CNTN4: variants seen among roughly 807,000 people sequenced by gnomAD.
CNTN4 encodes the protein contactin-4.
CNTN4 carries 77 observed loss-of-function variants against 122.5 expected under a neutral mutation model. That is an observed-to-expected ratio of 0.63 (90% CI 0.52 to 0.76). The LOEUF (loss-of-function observed/expected upper bound fraction) is 0.76, where lower values mean the gene tolerates loss of function less well. Among genes scored for constraint, CNTN4 ranks in the 30% least tolerant of loss-of-function variants. The pLI is 0.00. For synonymous variants in CNTN4, 512 were observed against 447.0 expected, an observed-to-expected ratio of 1.15 and a Z score of -1.83; for missense variants, 1,256 against 1,259.1, an observed-to-expected ratio of 1.00 and a Z score of 0.04.
At chr3:2,156,768 C>T (rs781227712) in intron 2 of CNTN4, among the ~76,000 whole-genome samples, 3 of 152,114 alleles carry the variant, frequency 2.0e-5, no homozygotes, top group Non-Finnish European at 4.4e-5. Flanking sequence ...TTTGGTAGTT[C>T]TGCAGTTGAA....
At chr3:2,791,693 G>A (rs141508864) in intron 6 of CNTN4, among the ~76,000 whole-genome samples, 2 of 152,290 alleles carry the variant, frequency 1.3e-5, no homozygotes, top group East Asian at 1.9e-4. Context: ...CAAAAGAAAT[G>A]TGTTCTTTTA....
rs182227447 is a variant in CNTN4 at position 2,820,328 on chromosome 3, C to T, written c.454+747C>T. Among the ~76,000 whole-genome samples, 26 of 152,230 alleles carry T rather than the reference C, an allele frequency of 1.7e-4. No homozygotes were observed. In the East Asian group the frequency reaches 3.3e-3, roughly 19 times the overall value. On this transcript the variant is annotated intron_variant, in intron 7 of 24. Coordinates refer to ENST00000418658, the MANE Select transcript of CNTN4 (RefSeq NM_175607.3). ...ATTATAAAAGATATTATAAAGGATA[C>T]GTATGAACAGCCCGATAAACATATA...
At chr3:2,834,017 G>A (rs1370622399) in intron 7 of CNTN4, among the ~76,000 whole-genome samples, 1 of 152,008 alleles carries the variant, frequency 6.6e-6, no homozygotes. Context: ...ATGGTGGCGG[G>A]CACCTGTAGT....
At chr3:2,127,362 A>G (rs556600060) in intron 2 of CNTN4, among the ~76,000 whole-genome samples, 24 of 152,094 alleles carry the variant, frequency 1.6e-4, no homozygotes, top group Non-Finnish European at 2.8e-4. Flanking sequence ...CTTTTATTCA[A>G]TTTTTTAATA....
intron 4 of CNTN4, among the ~76,000 whole-genome samples, chr3:2,687,586 G>T (rs868736549): frequency 1.1e-4 from 17 of 152,126 alleles, no homozygotes; most frequent in African/African-American, 2.9e-4. Context: ...AGAGGTGGAG[G>T]TTGCAATGAG....
intron 3 of CNTN4, among the ~76,000 whole-genome samples, chr3:2,454,985 A>G (rs2048944945): frequency 6.6e-6 from 1 of 152,162 alleles, no homozygotes; most frequent in Non-Finnish European, 1.5e-5. Context: ...ATAAATAACT[A>G]AAAGGAGCAG....
Position 2,423,925 on chromosome 3 carries a change from G to A in CNTN4, c.-89+84692G>A, listed in dbSNP as rs569192820. ...AGGAAAAGGAATATCACACACCAGG[G>A]CCTGCTGTGGGGTGGAGGGAGGGGG... On this transcript the variant is annotated intron_variant, in intron 3 of 24. Coordinates refer to ENST00000418658, the MANE Select transcript of CNTN4 (RefSeq NM_175607.3). Among the ~76,000 whole-genome samples the A allele has an allele frequency of 4.2e-5, 3 of 71,614 alleles. No homozygotes were observed. In the East Asian group the frequency reaches 1.6e-3, roughly 38 times the overall value. The allele number at this position is 71,614 out of a possible 152,430, so 47.0% of individuals were successfully genotyped here.
At chr3:2,646,928 A>G (rs375496171) in intron 4 of CNTN4, among the ~76,000 whole-genome samples, 1 of 152,200 alleles carries the variant, frequency 6.6e-6, no homozygotes, top group Non-Finnish European at 1.5e-5. Context: ...ATACAGTCAC[A>G]TTCTAAGGTA....
intron 7 of CNTN4, among the ~76,000 whole-genome samples, chr3:2,821,107 A>G (rs918115666): frequency 6.6e-6 from 1 of 151,430 alleles, no homozygotes; most frequent in African/African-American, 2.4e-5. Context: ...GATTACAGGC[A>G]CCCACCACCG....
intron 3 of CNTN4, among the ~76,000 whole-genome samples, chr3:2,523,615 A>G (rs745637319): frequency 1.3e-5 from 2 of 151,990 alleles, no homozygotes; most frequent in Non-Finnish European, 2.9e-5. Context: ...AACTTGAAAA[A>G]GGTTACCCTC....
rs1032867902 is a variant in CNTN4 at position 2,709,707 on chromosome 3, A to G, written c.56-26508A>G. On this transcript the variant is annotated intron_variant, in intron 4 of 24. Coordinates refer to ENST00000418658, the MANE Select transcript of CNTN4 (RefSeq NM_175607.3). The surrounding 1 kb of genome is among the most constrained non-coding windows in gnomAD (Gnocchi z 5.0). ...GGCAGGTGGATCACTTGAGGTCAGG[A>G]GTTCAAAATCAGCCTGGCCAACATG... Among the ~76,000 whole-genome samples, 1 of 152,060 alleles carries G rather than the reference A, an allele frequency of 6.6e-6. No homozygotes were observed. The highest frequency in any genetic ancestry group is 2.4e-5 in the African/African-American group (1 of 41,408).
At chr3:2,636,920 C>CTT (rs2082680484) in intron 4 of CNTN4, among the ~76,000 whole-genome samples, 1 of 109,778 alleles carries the variant, frequency 9.1e-6, no homozygotes, top group Non-Finnish European at 1.9e-5. Flanking sequence ...TTCTTTCTTT[C>CTT]TTTGTTTTTT....
intron 2 of CNTN4, among the ~76,000 whole-genome samples, chr3:2,263,463 G>C (rs1262039798): frequency 6.6e-6 from 1 of 151,992 alleles, no homozygotes; most frequent in Non-Finnish European, 1.5e-5. Context: ...ATTCATTAAA[G>C]TATCATTTTT....
intron 3 of CNTN4, among the ~76,000 whole-genome samples, chr3:2,428,016 T>C (rs2047908656): frequency 6.6e-6 from 1 of 152,122 alleles, no homozygotes; most frequent in Non-Finnish European, 1.5e-5. Flanking sequence ...AGGTCTTGAC[T>C]CTTTATCCAA....
At chr3:2,820,174 TC>T (rs1471275589) in intron 7 of CNTN4, among the ~76,000 whole-genome samples, 1 of 152,152 alleles carries the variant, frequency 6.6e-6, no homozygotes, top group African/African-American at 2.4e-5. Flanking sequence ...CACTTTCAAG[TC>T]CTTGACCTCA....
chr3:2,276,107 G>T (rs954950676), intron 2 of CNTN4, among the ~76,000 whole-genome samples: 1 of 151,934 alleles, frequency 6.6e-6, no homozygotes, highest in East Asian at 1.9e-4. Flanking sequence ...TTGAATTCAT[G>T]TCATATCTTT....
At chr3:2,711,812 C>G (rs183007042) in intron 4 of CNTN4, among the ~76,000 whole-genome samples, 197 of 152,254 alleles carry the variant, frequency 1.3e-3, no homozygotes, top group African/African-American at 4.6e-3. Flanking sequence ...CCAGTTCATT[C>G]TATAATAAAG....
At chr3:2,742,244 T>G (rs1405436477) in intron 5 of CNTN4, among the ~76,000 whole-genome samples, 2 of 152,160 alleles carry the variant, frequency 1.3e-5, no homozygotes, top group Non-Finnish European at 2.9e-5. Context: ...GTTTATTCCC[T>G]CAACTGAGCC....
At chr3:2,177,881 C>T (rs1422302774) in intron 2 of CNTN4, among the ~76,000 whole-genome samples, 1 of 152,082 alleles carries the variant, frequency 6.6e-6, no homozygotes, top group Admixed American at 6.6e-5. Flanking sequence ...CAGAGCCTAG[C>T]CAAGGTGACG....
Sources: gnomAD v4.1 joint callset for allele counts (sites outside exome capture counted in the v4.1 genomes callset) on GRCh38, gnomAD v4.1.1 for gene constraint, Gnocchi (gnomAD v3.1) non-coding constraint, MANE v1.5 for transcripts, NCBI Gene and HGNC (gene_info 2026-07-23, HGNC 2026-07-21) for gene names.